LIMS1: variants seen among roughly 807,000 people sequenced by gnomAD.
The protein encoded by LIMS1 is LIM zinc finger domain containing 1.
A neutral mutation model predicts 44.1 loss-of-function variants in LIMS1; 18 were observed. The observed-to-expected ratio is 0.41, with a 90% CI of 0.28 to 0.61. LIMS1 has a LOEUF of 0.61. LIMS1 is among the 20% of genes least tolerant of loss of function. The probability of loss-of-function intolerance (pLI) is 0.32; values close to 1 mark genes in which losing one functional copy is unlikely to be tolerated. For synonymous variants in LIMS1, 93 were observed against 149.1 expected, an observed-to-expected ratio of 0.62 and a Z score of 2.74; for missense variants, 201 against 422.0, an observed-to-expected ratio of 0.48 and a Z score of 4.59.
At chr2:108,624,026 T>C (rs1300052495) in intron 1 of LIMS1, among the ~76,000 whole-genome samples, 2 of 152,264 alleles carry the variant, frequency 1.3e-5, no homozygotes, top group Non-Finnish European at 2.9e-5. Context: ...ACTTTTGTTT[T>C]AAAGTATTAA....
chr2:108,631,550 C>CTTTTTTTTTTT (rs67517304), intron 1 of LIMS1, among the ~76,000 whole-genome samples: 1 of 143,068 alleles, frequency 7.0e-6, no homozygotes. Context: ...ACCGTGTTGC[C>CTTTTTTTTTTT]TTTTTTTTTT....
At chr2:108,571,306 A>C (rs1364486118) in intron 1 of LIMS1, among the ~76,000 whole-genome samples, 1 of 152,194 alleles carries the variant, frequency 6.6e-6, no homozygotes, top group Admixed American at 6.5e-5. Flanking sequence ...ATTGAGAGCT[A>C]AAGATTATGT....
intron 1 of LIMS1, among the ~76,000 whole-genome samples, chr2:108,590,374 A>G (rs1186416856): frequency 6.6e-6 from 1 of 152,220 alleles, no homozygotes; most frequent in Non-Finnish European, 1.5e-5. Flanking sequence ...GATCATTTTA[A>G]TTTGGTCTTT....
chr2:108,647,149 C>G (rs1176260673), intron 1 of LIMS1, among the ~76,000 whole-genome samples: 1 of 152,186 alleles, frequency 6.6e-6, no homozygotes, highest in African/African-American at 2.4e-5. Flanking sequence ...ACTGATCCCA[C>G]AAAAATACAA....
In LIMS1 at chr2:108,680,564, A is replaced by AG. The variant is rs749037008; in HGVS notation, c.824-129dup. The stretch of plus-strand genomic sequence containing the variant: ...TTAAAAAAAAAAAAAAAAAAAAAAA[A>AG]GGTTCTTGAGAACCTCCACCAAGTG... On this transcript the variant is annotated intron_variant, in intron 8 of 9. Coordinates refer to ENST00000544547, the Ensembl canonical transcript of LIMS1. 9.5e-4 allele frequency: 309 copies of AG among 325,584 alleles called. 3 individuals are homozygous for AG. Among genetic ancestry groups the AG allele is most frequent in the African/African-American group, 8.3e-3 (293 of 35,500 alleles). 20.2% of individuals were successfully genotyped at this position (325,584 alleles called of 1,614,324 possible). A position where few individuals can be genotyped will look rare whatever the true frequency, so the allele number is the denominator to read the frequency against.
At chr2:108,631,880 A>T (rs1159564086) in intron 1 of LIMS1, among the ~76,000 whole-genome samples, 1 of 152,194 alleles carries the variant, frequency 6.6e-6, no homozygotes, top group African/African-American at 2.4e-5. Flanking sequence ...TACCAACAAA[A>T]TAGATTTGTC....
chr2:108,671,023 T>G, intron 3 of LIMS1, 176 bp downstream of exon 3: 1 of 795,516 alleles, frequency 1.3e-6, no homozygotes, highest in Non-Finnish European at 2.1e-6. Flanking sequence ...ATACAAAAAT[T>G]AACTGGGCAT....
At chr2:108,563,091 G>A (rs1047993491) in intron 1 of LIMS1, among the ~76,000 whole-genome samples, 1 of 152,192 alleles carries the variant, frequency 6.6e-6, no homozygotes, top group Non-Finnish European at 1.5e-5. Flanking sequence ...TAAGCCCACT[G>A]TTGAGACCTG....
At position 108,668,823 on chromosome 2, in the gene LIMS1, G is replaced by A. The variant is rs539614806; in HGVS notation, c.193-1958G>A. On this transcript the variant is annotated intron_variant, in intron 2 of 9. Coordinates refer to ENST00000544547, the Ensembl canonical transcript of LIMS1. ...ACATATAGATGGCATACATTCATCA[G>A]AAATATATCGTGCTTCATAAATACT... 2.9e-3 allele frequency among the ~76,000 whole-genome samples: 435 copies of A among 152,316 alleles called. 1 individual carries two copies. Among genetic ancestry groups the A allele is most frequent in the Non-Finnish European group, 4.8e-3 (329 of 68,034 alleles).
chr2:108,554,462 A>G lies in LIMS1; in HGVS notation c.32+19868A>G, dbSNP rs1288124777. 2.6e-5 allele frequency among the ~76,000 whole-genome samples: 4 copies of G among 152,192 alleles called. No homozygotes were observed. The East Asian group carries it at 7.7e-4, about 29-fold the overall frequency. ...TGAAGGACAGTCTCTGAAGAAGAGT[A>G]TCTTCCTTATTCTTGGGGTAGAAAC... On this transcript the variant is annotated intron_variant, in intron 1 of 9. Transcript: ENST00000544547.
At chr2:108,574,547 C>G (rs1443122905) in intron 1 of LIMS1, among the ~76,000 whole-genome samples, 1 of 152,144 alleles carries the variant, frequency 6.6e-6, no homozygotes, top group Admixed American at 6.5e-5. Context: ...ACCTCCTCCA[C>G]CAGCCTTCAA....
At chr2:108,632,572 C>T (rs1236452083) in intron 1 of LIMS1, among the ~76,000 whole-genome samples, 1 of 152,070 alleles carries the variant, frequency 6.6e-6, no homozygotes, top group Admixed American at 6.6e-5. Flanking sequence ...TCAGGCAGTG[C>T]TAGATCTTAT....
At chr2:108,676,448 A>G (rs893556199) in intron 6 of LIMS1, among the ~76,000 whole-genome samples, 158 bp from the exon 7 acceptor site, 2 of 152,232 alleles carry the variant, frequency 1.3e-5, no homozygotes, top group Non-Finnish European at 1.5e-5. Context: ...CTGAATTACA[A>G]CTGCAGAAGT....
chr2:108,552,269 G>GTA (rs1230343775), intron 1 of LIMS1, among the ~76,000 whole-genome samples: 1 of 129,424 alleles, frequency 7.7e-6, no homozygotes, highest in Non-Finnish European at 1.6e-5. Flanking sequence ...TACACGTATA[G>GTA]TATATATATG....
chr2:108,593,565 A>C (rs1686515369), intron 1 of LIMS1, among the ~76,000 whole-genome samples: 1 of 152,234 alleles, frequency 6.6e-6, no homozygotes. Flanking sequence ...ACTTTAATTT[A>C]AGCCAGACTT....
intron 2 of LIMS1, among the ~76,000 whole-genome samples, chr2:108,665,418 A>G (rs988422227): frequency 7.9e-5 from 12 of 152,344 alleles, no homozygotes; most frequent in East Asian, 5.8e-4. Context: ...GGTAGTATAT[A>G]TGGTCCATTG....
At chr2:108,670,587 G>A (rs1335717719) in intron 2 of LIMS1, among the ~76,000 whole-genome samples, 194 bp from the exon 3 acceptor site, 1 of 152,110 alleles carries the variant, frequency 6.6e-6, no homozygotes, top group Non-Finnish European at 1.5e-5. Context: ...TATTCCATAT[G>A]TCTTTCCTGT....
intron 1 of LIMS1, among the ~76,000 whole-genome samples, chr2:108,653,796 A>G (rs1690663753): frequency 7.3e-6 from 1 of 136,988 alleles, no homozygotes; most frequent in Non-Finnish European, 1.6e-5. Context: ...ATCAATCAAT[A>G]TATGTAAGAT....
rs2718739 is a variant in LIMS1, at chr2:108,612,482, T to C, written c.33-47123T>C. 9.0e-3 allele frequency among the ~76,000 whole-genome samples: 1,363 copies of C among 152,260 alleles called. 26 individuals carry two copies. The highest frequency in any genetic ancestry group is 0.031 in the African/African-American group (1,297 of 41,546). On this transcript the variant is annotated intron_variant, in intron 1 of 9. Transcript: ENST00000544547. ...CTGTTAGAATCTGCCTTTTTTTTTT[T>C]TCCAGAACTGTTGGAAACATTGAAT...
Sources: allele counts gnomAD v4.1 joint callset (sites outside exome capture counted in the v4.1 genomes callset), GRCh38; gene constraint gnomAD v4.1.1; transcripts MANE v1.5; gene names NCBI Gene and HGNC (gene_info 2026-07-23, HGNC 2026-07-21).